CTNNA2: variants seen among roughly 807,000 people sequenced by gnomAD.
The protein encoded by CTNNA2 is catenin alpha 2, also known as catenin alpha-2.
CTNNA2 carries 42 observed loss-of-function variants against 101.0 expected under a neutral mutation model. The ratio of observed to expected loss-of-function variants is 0.42; its 90% CI spans 0.32 to 0.54. The LOEUF is 0.54. Among genes scored for constraint, CTNNA2 ranks in the 20% least tolerant of loss-of-function variants. CTNNA2 has a pLI of 0.14. For synonymous variants in CTNNA2, 450 were observed against 456.4 expected, an observed-to-expected ratio of 0.99 and a Z score of 0.18; for missense variants, 871 against 1,223.1, an observed-to-expected ratio of 0.71 and a Z score of 4.29.
At chr2:79,198,363 A>T (rs1673989584) in intron 2 of CTNNA2, among the ~76,000 whole-genome samples, 1 of 152,244 alleles carries the variant, frequency 6.6e-6, no homozygotes, top group South Asian at 2.1e-4. Flanking sequence ...AAATTAATCT[A>T]AATAAACAAC....
intron 2 of CTNNA2, among the ~76,000 whole-genome samples, chr2:79,729,029 C>T (rs1204824328): frequency 6.6e-6 from 1 of 152,036 alleles, no homozygotes; most frequent in African/African-American, 2.4e-5. Context: ...ATAAAACTTA[C>T]CATCATGAAC....
At chr2:79,539,940 C>T (rs1224487519) in intron 1 of CTNNA2, among the ~76,000 whole-genome samples, 2 of 152,072 alleles carry the variant, frequency 1.3e-5, no homozygotes, top group Admixed American at 1.3e-4. Flanking sequence ...TTTCTTGTCA[C>T]GTGCATTAAG....
At chr2:80,547,430 C>T (rs1395482305) in intron 11 of CTNNA2, among the ~76,000 whole-genome samples, 1 of 152,108 alleles carries the variant, frequency 6.6e-6, no homozygotes, top group Admixed American at 6.6e-5. Context: ...AAATCCAGAT[C>T]ATCCTCTTTT....
Position 79,769,959 on chromosome 2 carries a change from A to C in CTNNA2, c.298+25377A>C, listed in dbSNP as rs1477066611. ...ACTTAAAATGTGACTAGTGTGACTG[A>C]GCAACTGAGTTTTAAAATTCATTTA... On this transcript the variant is annotated intron_variant, in intron 3 of 18. Coordinates refer to ENST00000402739, the MANE Select transcript of CTNNA2 (RefSeq NM_001282597.3). 2.0e-5 allele frequency among the ~76,000 whole-genome samples: 3 copies of C among 152,318 alleles called. No homozygotes were observed. In the East Asian group the frequency reaches 5.8e-4, roughly 29 times the overall value.
At chr2:79,989,700 C>A (rs966881820) in intron 7 of CTNNA2, among the ~76,000 whole-genome samples, 1 of 152,160 alleles carries the variant, frequency 6.6e-6, no homozygotes, top group South Asian at 2.1e-4. Flanking sequence ...ATGCATGCAT[C>A]TGACAATCTT....
chr2:79,800,602 A>T (rs1452396532), intron 3 of CTNNA2, among the ~76,000 whole-genome samples: 1 of 152,168 alleles, frequency 6.6e-6, no homozygotes, highest in Non-Finnish European at 1.5e-5. Flanking sequence ...CCAGCAACAG[A>T]TCACGTCCAC....
At chr2:79,982,472 T>C (rs1691445122) in intron 7 of CTNNA2, among the ~76,000 whole-genome samples, 1 of 139,716 alleles carries the variant, frequency 7.2e-6, no homozygotes, top group Non-Finnish European at 1.6e-5. Flanking sequence ...GACTCCTAAC[T>C]ACACACACAC....
intron 7 of CTNNA2, among the ~76,000 whole-genome samples, chr2:80,281,641 A>C (rs922640647): frequency 1.3e-5 from 2 of 152,016 alleles, no homozygotes; most frequent in African/African-American, 2.4e-5. Flanking sequence ...CTGACTGAGA[A>C]CTTGCATATG....
chr2:80,349,773 G>C (rs1028688027), intron 7 of CTNNA2, among the ~76,000 whole-genome samples: 2 of 152,086 alleles, frequency 1.3e-5, no homozygotes, highest in African/African-American at 4.8e-5. Context: ...TCCTGCCTTA[G>C]CCTCCGGAGT....
intron 1 of CTNNA2, among the ~76,000 whole-genome samples, chr2:79,197,523 T>C (rs1436187675): frequency 2.0e-5 from 3 of 152,214 alleles, no homozygotes; most frequent in Non-Finnish European, 4.4e-5. Flanking sequence ...TGGGTCAGAG[T>C]TCTACCATAA....
At chr2:79,435,161 G>T (rs1411867037) in intron 4 of CTNNA2, among the ~76,000 whole-genome samples, 1 of 152,096 alleles carries the variant, frequency 6.6e-6, no homozygotes, top group Non-Finnish European at 1.5e-5. Context: ...TGCATTAGAT[G>T]GTTGGTGGTG....
chr2:80,644,723 T>C (rs935596357), intron 18 of CTNNA2, among the ~76,000 whole-genome samples: 2 of 152,184 alleles, frequency 1.3e-5, no homozygotes, highest in African/African-American at 4.8e-5. Flanking sequence ...TGTGGAAATA[T>C]TTGTTCCAGT....
Position 80,248,496 on chromosome 2 carries a change from A to G in CTNNA2, c.1057-144715A>G, listed in dbSNP as rs1671512270. ...GCAGGGTCTTCTTTTATTTCTCCAGATTCGTTGCATTAAAAATTGTTTTAT... is the reference window on the plus strand; with the variant it reads ...GCAGGGTCTTCTTTTATTTCTCCAGGTTCGTTGCATTAAAAATTGTTTTAT... On this transcript the variant is annotated intron_variant, in intron 7 of 18. Coordinates refer to ENST00000402739, the MANE Select transcript of CTNNA2 (RefSeq NM_001282597.3). 2.6e-5 allele frequency among the ~76,000 whole-genome samples: 4 copies of G among 152,094 alleles called. 1 individual carries two copies. The South Asian group carries it at 8.3e-4, about 32-fold the overall frequency.
At chr2:80,220,011 C>A (rs749205619) in intron 7 of CTNNA2, among the ~76,000 whole-genome samples, 3 of 152,030 alleles carry the variant, frequency 2.0e-5, no homozygotes, top group Non-Finnish European at 4.4e-5. Flanking sequence ...CCACAACCAA[C>A]AAACCAACAA....
At chr2:80,627,934 TG>T (rs1161657765) in intron 18 of CTNNA2, among the ~76,000 whole-genome samples, 1 of 152,098 alleles carries the variant, frequency 6.6e-6, no homozygotes, top group Non-Finnish European at 1.5e-5. Context: ...ACAAAATCAA[TG>T]TGCAAAAATT....
chr2:80,602,259 C>T (rs946905537), intron 15 of CTNNA2, among the ~76,000 whole-genome samples: 7 of 151,862 alleles, frequency 4.6e-5, no homozygotes, highest in Non-Finnish European at 1.0e-4. Context: ...AAAAGACATG[C>T]TTCTTTTCAT....
chr2:80,362,357 G>A lies in CTNNA2; in HGVS notation c.1057-30854G>A, dbSNP rs150281819. Among the ~76,000 whole-genome samples, 289 of 152,244 alleles carry A rather than the reference G, an allele frequency of 1.9e-3. 1 individual carries two copies. Among genetic ancestry groups the A allele is most frequent in the African/African-American group, 6.6e-3 (274 of 41,556 alleles). On this transcript the variant is annotated intron_variant, in intron 7 of 18. Transcript: ENST00000402739. ...CTAAAGCAAGAAAAAGGATGAGGGA[G>A]AGGTCTCTTCTCTATTTTCAACAGA...
intron 9 of CTNNA2, among the ~76,000 whole-genome samples, chr2:80,425,409 A>G (rs374727476): frequency 1.3e-5 from 2 of 152,200 alleles, no homozygotes; most frequent in South Asian, 2.1e-4. Flanking sequence ...AAATAAATGA[A>G]TAAATCAATA....
chr2:80,098,908 C>T (rs141767337), intron 7 of CTNNA2, among the ~76,000 whole-genome samples: 2 of 152,068 alleles, frequency 1.3e-5, no homozygotes, highest in Admixed American at 1.3e-4. Context: ...ATCTGTCACC[C>T]CTTTCTTTGA....
Sources: allele counts gnomAD v4.1 joint callset (sites outside exome capture counted in the v4.1 genomes callset), GRCh38; gene constraint gnomAD v4.1.1; transcripts MANE v1.5; gene names NCBI Gene and HGNC (gene_info 2026-07-23, HGNC 2026-07-21).